SLC35B4: variants seen among roughly 807,000 people sequenced by gnomAD.
SLC35B4 encodes nucleotide sugar transporter SLC35B4.
In SLC35B4, 28 loss-of-function variants were observed where a neutral mutation model predicts 39.5. The ratio of observed to expected loss-of-function variants is 0.71; its 90% CI spans 0.53 to 0.97. The LOEUF is 0.97. SLC35B4 is among the 50% of genes least tolerant of loss of function. The pLI, the probability that SLC35B4 is intolerant of heterozygous loss-of-function variation, is 0.00. For synonymous variants in SLC35B4, 145 were observed against 150.4 expected, an observed-to-expected ratio of 0.96 and a Z score of 0.26; for missense variants, 334 against 414.3, an observed-to-expected ratio of 0.81 and a Z score of 1.68.
chr7:134,299,699 C>T (rs1803536353), intron 7 of SLC35B4, 101 bp from the exon 8 acceptor site: 1 of 1,005,374 alleles, frequency 9.9e-7, no homozygotes, highest in African/African-American at 1.6e-5. Flanking sequence ...TGTTTGACAG[C>T]AATACAAAGA....
In SLC35B4 at chr7:134,316,523, G is replaced by T. The variant is rs1003672436; in HGVS notation, c.77+152C>A. On this transcript the variant is annotated intron_variant, in intron 1 of 9. Transcript: ENST00000378509. ...AGCGGGGTCCCAGGCTGCCCAGACA[G>T]GACGGATTGCTGGGGGGCTCAGGCC... 4.0e-6 allele frequency: 3 copies of T among 742,424 alleles called. No homozygotes were observed. The African/African-American group carries it at 5.4e-5, about 13-fold the overall frequency. 46.0% of individuals were successfully genotyped at this position (742,424 alleles called of 1,614,324 possible).
At chr7:134,307,377 G>T (rs1275609445) in intron 2 of SLC35B4, among the ~76,000 whole-genome samples, 1 of 150,678 alleles carries the variant, frequency 6.6e-6, no homozygotes, top group Non-Finnish European at 1.5e-5. Context: ...ATAACTTAAA[G>T]GGATAAATAC....
At chr7:134,297,744 A>G (rs1462952986) in intron 8 of SLC35B4, among the ~76,000 whole-genome samples, 1 of 152,220 alleles carries the variant, frequency 6.6e-6, no homozygotes, top group Non-Finnish European at 1.5e-5. Context: ...ATATTCTTAC[A>G]TTAGTTTTAG....
At chr7:134,309,507 T>C (rs767349029) in intron 1 of SLC35B4, 28 bp from the exon 2 acceptor site, 2 of 1,522,026 alleles carry the variant, frequency 1.3e-6, no homozygotes, top group Non-Finnish European at 1.8e-6. Context: ...AAAGAGGGGG[T>C]GAAGGCACAA....
upstream of SLC35B4, among the ~76,000 whole-genome samples, chr7:134,320,215 T>G (rs1419588558): frequency 2.0e-5 from 3 of 152,202 alleles, no homozygotes; most frequent in South Asian, 2.1e-4. Context: ...GGGGTTCTCA[T>G]GCAGTTGCAG....
intron 3 of SLC35B4, among the ~76,000 whole-genome samples, chr7:134,306,186 T>C (rs1383035257): frequency 1.3e-5 from 2 of 152,032 alleles, no homozygotes; most frequent in African/African-American, 4.8e-5. Context: ...TCAGCCTTTT[T>C]TGCCTGGAGT....
intron 5 of SLC35B4, 46 bp downstream of exon 5, chr7:134,301,983 C>A: frequency 6.3e-7 from 1 of 1,579,356 alleles, no homozygotes; most frequent in Non-Finnish European, 8.7e-7. Flanking sequence ...GGTAACTGGG[C>A]CCCAATAGCA....
chr7:134,313,784 A>G (rs1803905163), intron 1 of SLC35B4, among the ~76,000 whole-genome samples: 1 of 152,250 alleles, frequency 6.6e-6, no homozygotes, highest in South Asian at 2.1e-4. Flanking sequence ...TTCCTAGGCT[A>G]TAAAAATTTA....
chr7:134,316,930 G>A lies in SLC35B4; in HGVS notation c.-179C>T, dbSNP rs1365566337. 4 of 611,840 alleles carry A rather than the reference G, an allele frequency of 6.5e-6. No homozygotes were observed. The highest frequency in any genetic ancestry group is 1.1e-5 in the Non-Finnish European group (4 of 349,926). The allele number at this position is 611,840 out of a possible 1,614,324, so 37.9% of individuals were successfully genotyped here. A position where few individuals can be genotyped will look rare whatever the true frequency, so the allele number is the denominator to read the frequency against. ...CCGCGGCCAACACCGACGCTGCCAA[G>A]AAGCTGTAGTTCGCAGTCAGCTTCG... On this transcript the variant is annotated 5_prime_UTR_variant, in exon 1 of 10. Transcript: ENST00000378509.
intron 8 of SLC35B4, among the ~76,000 whole-genome samples, chr7:134,297,193 C>T (rs1009883428): frequency 2.6e-5 from 4 of 152,180 alleles, no homozygotes; most frequent in Non-Finnish European, 5.9e-5. Flanking sequence ...AATGCTGGGA[C>T]TACAGGCTTG....
chr7:134,295,250 C>T, intron 9 of SLC35B4, 171 bp from the exon 10 acceptor site: 1 of 747,604 alleles, frequency 1.3e-6, no homozygotes, highest in Non-Finnish European at 2.1e-6. Flanking sequence ...AACTCCTGTC[C>T]TGCCATTCCA....
Position 134,294,831 on chromosome 7 carries a change from C to T in SLC35B4, c.*2G>A. The T allele has an allele frequency of 1.9e-6, 3 of 1,613,936 alleles. No individual in the cohort carries two copies. The East Asian group carries it at 6.7e-5, about 36-fold the overall frequency. ...CACTGGTCTACGTACTCCAGACAGG[C>T]CTCAGTTCTTCTTGCTGTCCTTCTG... On this transcript the variant is annotated 3_prime_UTR_variant, in exon 10 of 10. Coordinates refer to ENST00000378509, the MANE Select transcript of SLC35B4 (RefSeq NM_032826.5).
intron 1 of SLC35B4, among the ~76,000 whole-genome samples, chr7:134,314,912 AT>A (rs201215420): frequency 5.9e-5 from 9 of 151,460 alleles, no homozygotes; most frequent in African/African-American, 9.7e-5. Flanking sequence ...GTTGGATACA[AT>A]TTTTTTTTCA....
At chr7:134,315,499 A>G (rs1470566248) in intron 1 of SLC35B4, among the ~76,000 whole-genome samples, 1 of 152,182 alleles carries the variant, frequency 6.6e-6, no homozygotes, top group Admixed American at 6.5e-5. Flanking sequence ...ATTCATGTAC[A>G]AATTATTAAA....
chr7:134,289,567 A>T lies in SLC35B4; in HGVS notation c.*5266T>A, dbSNP rs1803290964. The T allele has an allele frequency of 6.6e-6, 1 of 152,584 alleles. No homozygotes were observed. The highest frequency in any genetic ancestry group is 2.4e-5 in the African/African-American group (1 of 41,434). 9.5% of individuals were successfully genotyped at this position (152,584 alleles called of 1,614,324 possible). On this transcript the variant is annotated 3_prime_UTR_variant, in exon 10 of 10. Coordinates refer to ENST00000378509, the MANE Select transcript of SLC35B4 (RefSeq NM_032826.5). ...TGAAGAGCTCAGACGGGATGAATAA[A>T]ATCCCCGCCGTCCCTCCCCACCACA...
chr7:134,296,302 C>T (rs573804746), intron 9 of SLC35B4, 89 bp downstream of exon 9: 1 of 1,166,112 alleles, frequency 8.6e-7, no homozygotes, highest in South Asian at 1.3e-5. Flanking sequence ...ATATTCAAGT[C>T]AACACACTGT....
rs565628560 is a variant in SLC35B4, at chr7:134,293,026, A to G, written c.*1807T>C. On this transcript the variant is annotated 3_prime_UTR_variant, in exon 10 of 10. Transcript: ENST00000378509. ...ATCTCCACTGCTGTTGCTCAAATCC[A>G]TCAGAGAATAGCTCTGGACAGTGGA... 6 of 152,342 alleles carry G rather than the reference A, an allele frequency of 3.9e-5. No individual in the cohort carries two copies. In the East Asian group the frequency reaches 1.2e-3, roughly 29 times the overall value. 9.4% of individuals were successfully genotyped at this position (152,342 alleles called of 1,614,324 possible). A position where few individuals can be genotyped will look rare whatever the true frequency, so the allele number is the denominator to read the frequency against.
chr7:134,302,507 C>T (rs191616963), intron 4 of SLC35B4, among the ~76,000 whole-genome samples: 16 of 152,174 alleles, frequency 1.1e-4, no homozygotes, highest in African/African-American at 2.6e-4. Flanking sequence ...ACACACTGTG[C>T]GAGTGGAAAA....
chr7:134,295,292 A>C (rs1016798246), intron 9 of SLC35B4: 18 of 520,272 alleles, frequency 3.5e-5, no homozygotes, highest in Non-Finnish European at 5.8e-5. Context: ...CCGCCAAAAA[A>C]CCCCCAATTA....
Sources: gnomAD v4.1 joint callset for allele counts (sites outside exome capture counted in the v4.1 genomes callset) on GRCh38, gnomAD v4.1.1 for gene constraint, MANE v1.5 for transcripts, NCBI Gene and HGNC (gene_info 2026-07-23, HGNC 2026-07-21) for gene names.